Variants in FOXA1 observed in about 807,000 individuals in gnomAD.
The protein encoded by FOXA1 is forkhead box A1.
In FOXA1, 9 loss-of-function variants were observed where a neutral mutation model predicts 29.2. The observed-to-expected ratio is 0.31, with a 90% CI of 0.19 to 0.54. The LOEUF is 0.54. Ranked by LOEUF, FOXA1 falls within the 20% of genes least tolerant of loss-of-function variation. The pLI, the probability that FOXA1 is intolerant of heterozygous loss-of-function variation, is 0.95. For synonymous variants in FOXA1, 340 were observed against 300.9 expected, an observed-to-expected ratio of 1.13 and a Z score of -1.34; for missense variants, 644 against 681.2, an observed-to-expected ratio of 0.95 and a Z score of 0.61.
In FOXA1 at chr14:37,595,010, G is replaced by C. The variant is rs79519281; in HGVS notation, c.-38C>G. ...CTGCCCAATACAACCATCCAGCCCTGTGCGAAGCGACGGGCGGCCGCGCGG... is the reference window on the plus strand; with the variant it reads ...CTGCCCAATACAACCATCCAGCCCTCTGCGAAGCGACGGGCGGCCGCGCGG... On this transcript the variant is annotated 5_prime_UTR_variant, in exon 1 of 2. Coordinates refer to ENST00000250448, the MANE Select transcript of FOXA1 (RefSeq NM_004496.5). 0.46 allele frequency: 690,115 copies of C among 1,507,966 alleles called. 162,278 individuals are homozygous for C. The highest frequency in any genetic ancestry group is 0.58 in the East Asian group (22,582 of 38,608). 93.4% of individuals were successfully genotyped at this position (1,507,966 alleles called of 1,614,324 possible). A position where few individuals can be genotyped will look rare whatever the true frequency, so the allele number is the denominator to read the frequency against.
chr14:37,593,922 A>G (rs2139185803), intron 1 of FOXA1: 1 of 420,364 alleles, frequency 2.4e-6, no homozygotes, highest in East Asian at 1.0e-4. Flanking sequence ...AAATATGAGA[A>G]CAAATAGATT....
chr14:37,591,869 G>T lies in FOXA1; in HGVS notation c.915C>A (p.Ala305=). Residue 305 remains alanine, a synonymous_variant, in exon 2 of 2, where the codon GCC becomes GCA. Coordinates refer to ENST00000250448, the MANE Select transcript of FOXA1 (RefSeq NM_004496.5). ...GCACACCCCGATGGAGGGGCGAGTC[G>T]GCGCTGGGGTTAGAGGCGCCAGAGG... ...KDPSGASNPS[A]DSPLHRGVHG... 1 of 1,450,880 alleles carries T rather than the reference G, an allele frequency of 6.9e-7. No individual in the cohort carries two copies. Among genetic ancestry groups the T allele is most frequent in the East Asian group, 2.5e-5 (1 of 40,268 alleles). 89.9% of individuals were successfully genotyped at this position (1,450,880 alleles called of 1,614,324 possible).
intron 1 of FOXA1, 90 bp from the exon 2 acceptor site, chr14:37,592,801 CA>C: frequency 2.6e-6 from 4 of 1,520,208 alleles, no homozygotes; most frequent in Non-Finnish European, 3.6e-6. Flanking sequence ...AACCCGGGGG[CA>C]AGTGCAGAGC....
In FOXA1 at chr14:37,595,017, G is replaced by A. The variant is rs953096442; in HGVS notation, c.-45C>T. ...ATACAACCATCCAGCCCTGTGCGAAGCGACGGGCGGCCGCGCGGCGCGGGG... is the reference window on the plus strand; with the variant it reads ...ATACAACCATCCAGCCCTGTGCGAAACGACGGGCGGCCGCGCGGCGCGGGG... On this transcript the variant is annotated 5_prime_UTR_variant, in exon 1 of 2. Coordinates refer to ENST00000250448, the MANE Select transcript of FOXA1 (RefSeq NM_004496.5). 6.6e-7 allele frequency: 1 copy of A among 1,526,508 alleles called. No individual in the cohort carries two copies. Among genetic ancestry groups the A allele is most frequent in the Non-Finnish European group, 8.9e-7 (1 of 1,124,734 alleles). The allele number at this position is 1,526,508 out of a possible 1,614,324, so 94.6% of individuals were successfully genotyped here.
Position 37,591,241 on chromosome 14 carries a change from A to G in FOXA1, c.*124T>C. 1.7e-6 allele frequency: 2 copies of G among 1,179,728 alleles called. No homozygotes were observed. The highest frequency in any genetic ancestry group is 1.9e-5 in the Admixed American group (1 of 51,746). 73.1% of individuals were successfully genotyped at this position (1,179,728 alleles called of 1,614,324 possible). On this transcript the variant is annotated 3_prime_UTR_variant, in exon 2 of 2. Transcript: ENST00000250448. Reference sequence around the variant, plus strand: ...AAAGGTTGTGCATGAAAAATGAAATAAAAATAGTTGTTGGGATTTTATTAT... The same window carrying G: ...AAAGGTTGTGCATGAAAAATGAAATGAAAATAGTTGTTGGGATTTTATTAT...
rs935717918 is a variant in FOXA1 at position 37,590,017 on chromosome 14, A to T, written c.*1348T>A. 5.2e-5 allele frequency: 12 copies of T among 232,346 alleles called. No homozygotes were observed. Among genetic ancestry groups the T allele is most frequent in the Middle Eastern group, 1.3e-3 (1 of 776 alleles). 14.4% of individuals were successfully genotyped at this position (232,346 alleles called of 1,614,324 possible). A position where few individuals can be genotyped will look rare whatever the true frequency, so the allele number is the denominator to read the frequency against. Reference sequence around the variant, plus strand: ...ACATTTGATTTATTTAAAGTCCTTAACTGCAAATGATCAAGAACATTTTCC... The same window carrying T: ...ACATTTGATTTATTTAAAGTCCTTATCTGCAAATGATCAAGAACATTTTCC... On this transcript the variant is annotated 3_prime_UTR_variant, in exon 2 of 2. Transcript: ENST00000250448.
In FOXA1 at chr14:37,591,138, G is replaced by A. The variant is rs2095594993; in HGVS notation, c.*227C>T. On this transcript the variant is annotated 3_prime_UTR_variant, in exon 2 of 2. Transcript: ENST00000250448. ...ATTAAACTTCGCAGGAAAAAAATTG[G>A]TTTGGGGTTGTCTTTGTAGTAATAT... is the stretch of plus-strand genomic sequence containing the variant. 2 of 625,916 alleles carry A rather than the reference G, an allele frequency of 3.2e-6. No individual in the cohort carries two copies. The highest frequency in any genetic ancestry group is 5.5e-6 in the Non-Finnish European group (2 of 365,954). 38.8% of individuals were successfully genotyped at this position (625,916 alleles called of 1,614,324 possible). A position where few individuals can be genotyped will look rare whatever the true frequency, so the allele number is the denominator to read the frequency against.
At chr14:37,593,131 C>T (rs1437338807) in intron 1 of FOXA1, among the ~76,000 whole-genome samples, 2 of 152,126 alleles carry the variant, frequency 1.3e-5, no homozygotes, top group African/African-American at 4.8e-5. Context: ...CATGGGACCC[C>T]CTGAATCATC....
intron 1 of FOXA1, among the ~76,000 whole-genome samples, chr14:37,593,529 A>C (rs1297390826): frequency 1.3e-5 from 2 of 151,856 alleles, no homozygotes; most frequent in African/African-American, 4.8e-5. Flanking sequence ...GCTGCCGATG[A>C]TTTCAACGCC....
At chr14:37,594,843 C>T (rs2095600532) in intron 1 of FOXA1, 58 bp downstream of exon 1, 3 of 1,441,206 alleles carry the variant, frequency 2.1e-6, no homozygotes, top group Non-Finnish European at 2.8e-6. Context: ...TCCCCGGCCT[C>T]CCCCGGCACG....
At position 37,594,882 on chromosome 14, in the gene FOXA1, G is replaced by C. The variant is rs2139188020; in HGVS notation, c.72+19C>G. ...TCCAGCGGCGCCCCACCGGCCGCCC[G>C]CCTCGCCTTGCCTCTCACCTCCTGC... On this transcript the variant is annotated intron_variant, in intron 1 of 1. Coordinates refer to ENST00000250448, the MANE Select transcript of FOXA1 (RefSeq NM_004496.5). The C allele has an allele frequency of 5.8e-6, 9 of 1,544,088 alleles. No individual in the cohort carries two copies. Among genetic ancestry groups the C allele is most frequent in the Non-Finnish European group, 7.9e-6 (9 of 1,137,892 alleles).
At chr14:37,594,158 T>G in intron 1 of FOXA1, 2 of 1,288,720 alleles carry the variant, frequency 1.6e-6, no homozygotes, top group South Asian at 2.5e-5. Flanking sequence ...TAATTAAACT[T>G]TTGGAGGGTA....
At position 37,592,586 on chromosome 14, in the gene FOXA1, C is replaced by T. The variant is rs1489514341; in HGVS notation, c.198G>A (p.Met66Ile). ...SGNMTPASFN[M>I]SYANPGLGAG... ...CCCCTAGGCCCGGGTTGGCATAGGA[C>T]ATGTTGAAGGACGCCGGGGTCATGT... The change falls in exon 2 of 2, where the codon ATG (methionine) becomes ATA (isoleucine). Residue 66 changes from methionine (M) to isoleucine (I), a missense_variant. By Grantham distance (10) the Met-to-Ile change is conservative (BLOSUM62 1). Around this residue, in one of 5 missense-constraint regions of FOXA1, gnomAD observed 309 missense variants for 307.0 expected, o/e 1.01. Transcript: ENST00000250448. 6.2e-7 allele frequency: 1 copy of T among 1,614,196 alleles called. No homozygotes were observed.
intron 1 of FOXA1, chr14:37,594,126 C>T: frequency 7.8e-7 from 1 of 1,287,836 alleles, no homozygotes; most frequent in Non-Finnish European, 1.0e-6. Flanking sequence ...AAGGCAGTTC[C>T]AATACGCGTT....
intron 1 of FOXA1, chr14:37,594,312 C>G: frequency 8.5e-7 from 1 of 1,171,204 alleles, no homozygotes; most frequent in Non-Finnish European, 1.1e-6. Flanking sequence ...AACAGGTTCT[C>G]GGCCCAGAGT....
intron 1 of FOXA1, chr14:37,594,393 AG>A: frequency 1.9e-6 from 2 of 1,026,830 alleles, no homozygotes; most frequent in Non-Finnish European, 2.3e-6. Flanking sequence ...CTCCCCAAAT[AG>A]GGCTTTTGAA....
Position 37,591,546 on chromosome 14 carries a change from T to C in FOXA1, c.1238A>G (p.His413Arg). 2 of 1,614,226 alleles carry C rather than the reference T, an allele frequency of 1.2e-6. No homozygotes were observed. Among genetic ancestry groups the C allele is most frequent in the South Asian group, 1.1e-5 (1 of 91,088 alleles). Residue 413 changes from histidine (H) to arginine (R), a missense_variant, in exon 2 of 2, where the codon CAT becomes CGT. This residue lies in a region of FOXA1 where 295 missense variants were observed against 294.4 expected (regional missense o/e 1.00). Transcript: ENST00000250448. ...TTCGTATGCCTTGAAGTCCAGCTTA[T>C]GCTGCTGCTCCGAGGAGGACATGAG... ...NNLMSSSEQQHKLDFKAYEQA... is the reference protein window; with the variant it reads ...NNLMSSSEQQRKLDFKAYEQA...
At position 37,592,343 on chromosome 14, in the gene FOXA1, G is replaced by T; in HGVS notation, c.441C>A (p.Asn147Lys). The change falls in exon 2 of 2, where the codon AAC becomes AAA. Residue 147 changes from asparagine to lysine, a missense_variant. By Grantham distance (94) the Asn-to-Lys change is moderately conservative. Transcript: ENST00000250448. ...CGCCGCCCGCGCGGCTGCGGCCCAG[G>T]TTGGACGGCGCGTACGCCATGGGGC... ...CMSPMAYAPS[N>K]LGRSRAGGGG... The T allele has an allele frequency of 1.9e-6, 3 of 1,599,530 alleles. No homozygotes were observed. In the African/African-American group the frequency reaches 4.0e-5, roughly 21 times the overall value.
At position 37,592,281 on chromosome 14, in the gene FOXA1, T is replaced by C. The variant is rs1265098523; in HGVS notation, c.503A>G (p.His168Arg). Residue 168 changes from histidine to arginine, a missense_variant, in exon 2 of 2, where the codon CAC becomes CGC. Around this residue, in one of 5 missense-constraint regions of FOXA1, gnomAD observed 309 missense variants for 307.0 expected, o/e 1.01. Transcript: ENST00000250448. ...DAKTFKRSYP[H>R]AKPPYSYISL... ...GATGTACGAGTAGGGCGGCTTGGCG[T>C]GCGGGTAGCTGCGCTTGAACGTCTT... is the stretch of plus-strand genomic sequence containing the variant. 1.9e-6 allele frequency: 3 copies of C among 1,612,546 alleles called. No homozygotes were observed. The highest frequency in any genetic ancestry group is 2.5e-6 in the Non-Finnish European group (3 of 1,179,258).
Sources: gnomAD v4.1 joint callset for allele counts (sites outside exome capture counted in the v4.1 genomes callset) on GRCh38, gnomAD v4.1.1 for gene constraint, gnomAD v4.1.1 regional missense constraint, MANE v1.5 for transcripts, NCBI Gene and HGNC (gene_info 2026-07-23, HGNC 2026-07-21) for gene names.